Variants in CPQ observed in about 807,000 individuals in gnomAD.
CPQ encodes the protein Ser-Met dipeptidase.
In CPQ, 37 loss-of-function variants were observed where a neutral mutation model predicts 45.7. The observed-to-expected ratio is 0.81, with a 90% CI of 0.62 to 1.07. The LOEUF is 1.07. CPQ is among the 50% of genes least tolerant of loss of function. CPQ has a pLI of 0.00. For synonymous variants in CPQ, 186 were observed against 205.8 expected (o/e 0.90, Z 0.82); for missense variants, 537 against 572.9 (o/e 0.94, Z 0.64).
chr8:96,670,624 C>A (rs1450002806), intron 1 of CPQ, among the ~76,000 whole-genome samples: 1 of 151,992 alleles, frequency 6.6e-6, no homozygotes, highest in Non-Finnish European at 1.5e-5. Context: ...TGGAAAGAAT[C>A]CAGTTGTCCT....
intron 4 of CPQ, among the ~76,000 whole-genome samples, chr8:96,904,332 A>G (rs1056110161): frequency 1.3e-5 from 2 of 152,184 alleles, no homozygotes; most frequent in African/African-American, 4.8e-5. Flanking sequence ...GAGAATACAA[A>G]TAGCATTTGA....
At chr8:97,135,886 C>T (rs1812048925) in intron 7 of CPQ, among the ~76,000 whole-genome samples, 1 of 152,142 alleles carries the variant, frequency 6.6e-6, no homozygotes. Flanking sequence ...ACACAAATTG[C>T]TTAATTTGTG....
intron 4 of CPQ, among the ~76,000 whole-genome samples, chr8:96,886,276 C>A (rs200823230): frequency 6.6e-6 from 1 of 152,172 alleles, no homozygotes; most frequent in African/African-American, 2.4e-5. Context: ...GAACTGCATT[C>A]TCTCAAGACA....
At chr8:96,766,118 C>G (rs2565147) in intron 1 of CPQ, among the ~76,000 whole-genome samples, 27,544 of 152,132 alleles carry the variant, frequency 0.18, 2,791 homozygotes, top group African/African-American at 0.28. Context: ...CTCTGACTCT[C>G]TCTTTTGGAA....
At chr8:96,909,861 T>G (rs1001532351) in intron 4 of CPQ, among the ~76,000 whole-genome samples, 5 of 152,172 alleles carry the variant, frequency 3.3e-5, no homozygotes, top group Non-Finnish European at 7.3e-5. Context: ...GTGGAAAAAC[T>G]AATCAAATTT....
chr8:96,677,357 T>A (rs1248993456), intron 1 of CPQ, among the ~76,000 whole-genome samples: 1 of 152,092 alleles, frequency 6.6e-6, no homozygotes, highest in Non-Finnish European at 1.5e-5. Flanking sequence ...AATTTTTAAT[T>A]ATGGTCATTC....
chr8:96,867,593 A>G (rs771849573), intron 3 of CPQ, among the ~76,000 whole-genome samples: 2 of 152,002 alleles, frequency 1.3e-5, no homozygotes, highest in African/African-American at 2.4e-5. Context: ...GAAAAACATA[A>G]CATTCATCCA....
chr8:97,083,381 C>G (rs1306897939), intron 7 of CPQ, among the ~76,000 whole-genome samples: 4 of 152,100 alleles, frequency 2.6e-5, no homozygotes, highest in African/African-American at 9.7e-5. Flanking sequence ...TGGTACTCAC[C>G]AGCCATTGGG....
intron 7 of CPQ, among the ~76,000 whole-genome samples, chr8:97,099,890 G>T (rs1189279331): frequency 6.6e-6 from 1 of 152,166 alleles, no homozygotes; most frequent in Non-Finnish European, 1.5e-5. Flanking sequence ...TCTAGAGTTA[G>T]AAAATTATGA....
intron 3 of CPQ, among the ~76,000 whole-genome samples, chr8:96,841,903 CTTAA>C (rs1811617491): frequency 6.7e-6 from 1 of 150,300 alleles, no homozygotes; most frequent in Admixed American, 6.6e-5. Flanking sequence ...TATAATGATA[CTTAA>C]TTAATACAGA....
At chr8:96,965,582 G>C (rs1336051557) in intron 4 of CPQ, among the ~76,000 whole-genome samples, 1 of 151,974 alleles carries the variant, frequency 6.6e-6, no homozygotes, top group East Asian at 1.9e-4. Context: ...TGTTAACCAG[G>C]ATGGTCTTGA....
intron 3 of CPQ, among the ~76,000 whole-genome samples, chr8:96,857,841 T>TA (rs147816265): frequency 0.017 from 2,521 of 152,294 alleles, 69 homozygotes; most frequent in African/African-American, 0.055. Flanking sequence ...TGATAATTCT[T>TA]ATGCTGTCAA....
At chr8:96,688,551 T>C (rs2130735316) in intron 1 of CPQ, among the ~76,000 whole-genome samples, 1 of 152,196 alleles carries the variant, frequency 6.6e-6, no homozygotes, top group Middle Eastern at 3.4e-3. Flanking sequence ...AGATTTGTAA[T>C]TTTATGCTAC....
At chr8:96,981,257 C>T (rs1239614890) in intron 5 of CPQ, among the ~76,000 whole-genome samples, 1 of 152,068 alleles carries the variant, frequency 6.6e-6, no homozygotes, top group African/African-American at 2.4e-5. Context: ...ACCACTGATG[C>T]TTGTATTATT....
chr8:97,122,927 T>TAAATA (rs1313373275), intron 7 of CPQ, among the ~76,000 whole-genome samples: 1,642 of 38,718 alleles, frequency 0.042, 89 homozygotes, highest in Non-Finnish European at 0.054. Flanking sequence ...TAAAATAAAA[T>TAAATA]AAATAAAATA....
intron 4 of CPQ, among the ~76,000 whole-genome samples, chr8:96,928,742 C>T (rs1812928183): frequency 6.6e-6 from 1 of 152,194 alleles, no homozygotes; most frequent in African/African-American, 2.4e-5. Flanking sequence ...GCTTCCTCTT[C>T]ATTGTGTTCA....
chr8:96,881,269 G>A (rs145678840), intron 4 of CPQ, among the ~76,000 whole-genome samples: 107 of 152,228 alleles, frequency 7.0e-4, no homozygotes, highest in African/African-American at 2.2e-3. Flanking sequence ...GAAGCATGGC[G>A]GCATCTGCTT....
chr8:97,025,614 T>C (rs575798288), intron 5 of CPQ, among the ~76,000 whole-genome samples: 97 of 152,312 alleles, frequency 6.4e-4, no homozygotes, highest in African/African-American at 2.3e-3. Flanking sequence ...ACCAAGCCAG[T>C]GCCAGACTGG....
chr8:97,051,801 G>A (rs188637352), intron 6 of CPQ, among the ~76,000 whole-genome samples: 20 of 152,304 alleles, frequency 1.3e-4, no homozygotes, highest in Non-Finnish European at 5.9e-5. Flanking sequence ...TGCATCAAAT[G>A]GCATTGGCAC....
Sources: allele counts gnomAD v4.1 joint callset (sites outside exome capture counted in the v4.1 genomes callset), GRCh38; gene constraint gnomAD v4.1.1; transcripts MANE v1.5; gene names NCBI Gene and HGNC (gene_info 2026-07-23, HGNC 2026-07-21).